The following GABRB3 variants were observed in gnomAD, a reference collection of about 807,000 sequenced individuals.
GABRB3 encodes the protein gamma-aminobutyric acid receptor subunit beta-3.
A neutral mutation model predicts 52.1 loss-of-function variants in GABRB3; 14 were observed. The ratio of observed to expected loss-of-function variants is 0.27; its 90% CI spans 0.18 to 0.42. The LOEUF (loss-of-function observed/expected upper bound fraction) is 0.42. GABRB3 is among the 10% of genes least tolerant of loss of function. The pLI is 1.00. For synonymous variants in GABRB3, 260 were observed against 232.3 expected (o/e 1.12, Z -1.08); for missense variants, 307 against 609.1 (o/e 0.50, Z 5.22).
At chr15:26,658,594 A>G (rs2140605473) in intron 3 of GABRB3, 1 of 152,260 alleles carries the variant, frequency 6.6e-6, no homozygotes, top group African/African-American at 2.4e-5. Flanking sequence ...CTGCATGTGC[A>G]TTTTCCCTTC....
intron 3 of GABRB3, among the ~76,000 whole-genome samples, chr15:26,721,473 C>CT (rs1208352785): frequency 6.6e-6 from 1 of 152,012 alleles, no homozygotes; most frequent in Non-Finnish European, 1.5e-5. Flanking sequence ...GGCCTCCCCA[C>CT]TCCCTTCTTC....
intron 3 of GABRB3, among the ~76,000 whole-genome samples, chr15:26,674,400 C>CAAAAA (rs55723767): frequency 2.3e-3 from 202 of 86,616 alleles, no homozygotes; most frequent in East Asian, 5.7e-3. Flanking sequence ...GACTCAGTTT[C>CAAAAA]AAAAAAAAAA....
chr15:26,694,497 A>G (rs1294651630), intron 3 of GABRB3, among the ~76,000 whole-genome samples: 2 of 152,222 alleles, frequency 1.3e-5, no homozygotes, highest in Non-Finnish European at 2.9e-5. Context: ...AGAGAAGACA[A>G]AAACAAGAAC....
intron 4 of GABRB3, chr15:26,615,971 C>A (rs1440964769): frequency 1.6e-6 from 2 of 1,289,126 alleles, no homozygotes; most frequent in Non-Finnish European, 2.0e-6. Context: ...GCAGGAACAA[C>A]CCCAGCTCTC....
chr15:26,723,779 T>A (rs892372313), intron 3 of GABRB3, among the ~76,000 whole-genome samples: 27 of 152,182 alleles, frequency 1.8e-4, no homozygotes, highest in Non-Finnish European at 5.9e-5. Context: ...CCTACCACAT[T>A]TCTCTCTGAT....
intron 3 of GABRB3, among the ~76,000 whole-genome samples, chr15:26,677,305 T>C (rs910268777): frequency 2.0e-5 from 3 of 152,206 alleles, no homozygotes; most frequent in Non-Finnish European, 4.4e-5. Context: ...ACATGGACTG[T>C]TTAAATGCAA....
chr15:26,741,353 G>A (rs1890202592), intron 3 of GABRB3, among the ~76,000 whole-genome samples: 1 of 152,122 alleles, frequency 6.6e-6, no homozygotes, highest in Admixed American at 6.5e-5. Flanking sequence ...GACACTGACA[G>A]ACGAGACCCA....
chr15:26,635,010 A>ATATATAT (rs10676156), intron 3 of GABRB3, among the ~76,000 whole-genome samples: 9,664 of 74,564 alleles, frequency 0.13, 2,291 homozygotes, highest in South Asian at 0.16. Context: ...ATATATATAT[A>ATATATAT]ATATATATAT....
At chr15:26,572,415 C>T (rs1441629274) in intron 6 of GABRB3, among the ~76,000 whole-genome samples, 8 of 152,142 alleles carry the variant, frequency 5.3e-5, no homozygotes, top group Non-Finnish European at 8.8e-5. Context: ...TTCAAGGTAA[C>T]GGACCCAGCA....
chr15:26,670,355 C>G (rs1232131683), intron 3 of GABRB3, among the ~76,000 whole-genome samples: 3 of 152,194 alleles, frequency 2.0e-5, no homozygotes, highest in Non-Finnish European at 4.4e-5. Context: ...AGACCCGGTC[C>G]AGGCACTGCA....
At chr15:26,554,580 G>A (rs1261961949) in intron 8 of GABRB3, among the ~76,000 whole-genome samples, 2 of 152,032 alleles carry the variant, frequency 1.3e-5, no homozygotes, top group African/African-American at 4.8e-5. Context: ...CTTCCCACTA[G>A]GAAAGTGGAA....
intron 3 of GABRB3, among the ~76,000 whole-genome samples, chr15:26,697,493 T>C (rs1313020526): frequency 6.6e-6 from 1 of 152,022 alleles, no homozygotes; most frequent in South Asian, 2.1e-4. Flanking sequence ...GTGGCCTGTC[T>C]CCTTCCCTCC....
rs1342786133 is a variant in GABRB3, at chr15:26,614,608, G to A, written c.461+6706C>T. On this transcript the variant is annotated intron_variant, in intron 4 of 8. Transcript: ENST00000311550. ...GACAAAACAAGGGTTTGGGAGTTAG[G>A]GACGGCTGCATAAAAATCACACGAG... 5 of 152,194 alleles carry A rather than the reference G, an allele frequency of 3.3e-5. No homozygotes were observed. In the East Asian group the frequency reaches 5.8e-4, roughly 18 times the overall value. The allele number at this position is 152,194 out of a possible 1,614,324, so 9.4% of individuals were successfully genotyped here.
intron 3 of GABRB3, among the ~76,000 whole-genome samples, chr15:26,708,947 C>A (rs1471687733): frequency 6.6e-6 from 1 of 152,164 alleles, no homozygotes; most frequent in Non-Finnish European, 1.5e-5. Context: ...TTAGCTATTA[C>A]TATTAGTACT....
intron 6 of GABRB3, among the ~76,000 whole-genome samples, chr15:26,570,530 A>C (rs1306613128): frequency 6.6e-6 from 1 of 152,196 alleles, no homozygotes; most frequent in Non-Finnish European, 1.5e-5. Context: ...ACAAACATCA[A>C]AACACGCATC....
chr15:26,754,647 G>A (rs1024993800), intron 3 of GABRB3, among the ~76,000 whole-genome samples: 5 of 151,952 alleles, frequency 3.3e-5, no homozygotes, highest in East Asian at 3.9e-4. Flanking sequence ...AACAGTCTCC[G>A]AAAATGTTAC....
At chr15:26,613,410 CAAAA>C (rs896951230) in intron 4 of GABRB3, 1 of 148,190 alleles carries the variant, frequency 6.7e-6, no homozygotes, top group African/African-American at 2.5e-5. Context: ...GACTCCATCT[CAAAA>C]GAAAGAAAGA....
intron 6 of GABRB3, among the ~76,000 whole-genome samples, chr15:26,573,996 A>G (rs1022352903): frequency 2.0e-5 from 3 of 152,212 alleles, no homozygotes; most frequent in African/African-American, 7.2e-5. Flanking sequence ...GGCTGCAGTG[A>G]GCCAAGATTG....
intron 3 of GABRB3, among the ~76,000 whole-genome samples, chr15:26,742,712 G>A (rs554849448): frequency 6.6e-6 from 1 of 152,202 alleles, no homozygotes; most frequent in South Asian, 2.1e-4. Context: ...GTTTCCAACT[G>A]CTTTTTAAAT....
Sources: gnomAD v4.1 joint callset for allele counts (sites outside exome capture counted in the v4.1 genomes callset) on GRCh38, gnomAD v4.1.1 for gene constraint, MANE v1.5 for transcripts, NCBI Gene and HGNC (gene_info 2026-07-23, HGNC 2026-07-21) for gene names.